The following PDE3B variants were observed in gnomAD, a reference collection of about 807,000 sequenced individuals.
PDE3B encodes cGMP-inhibited 3',5'-cyclic phosphodiesterase 3B.
In PDE3B, 66 loss-of-function variants were observed where a neutral mutation model predicts 116.8. The ratio of observed to expected loss-of-function variants is 0.56; its 90% confidence interval spans 0.46 to 0.69. The LOEUF (loss-of-function observed/expected upper bound fraction) is 0.69. PDE3B is among the 30% of genes least tolerant of loss of function. The pLI, the probability that PDE3B is intolerant of heterozygous loss-of-function variation, is 0.00. For missense variants in PDE3B, 1,384 were observed against 1,368.1 expected, an observed-to-expected ratio of 1.01 and a Z score of -0.18; for synonymous variants, 595 against 533.6, an observed-to-expected ratio of 1.12 and a Z score of -1.59.
At chr11:14,677,201 C>T (rs919466463) in intron 1 of PDE3B, among the ~76,000 whole-genome samples, 1 of 151,886 alleles carries the variant, frequency 6.6e-6, no homozygotes, top group Non-Finnish European at 1.5e-5. Flanking sequence ...TAAGATGGCA[C>T]TTATCTTGTT....
At chr11:14,746,662 G>A (rs569675363) in intron 1 of PDE3B, among the ~76,000 whole-genome samples, 1 of 152,222 alleles carries the variant, frequency 6.6e-6, no homozygotes, top group Non-Finnish European at 1.5e-5. Context: ...CATGTTTTGA[G>A]ATATTTGAAA....
At chr11:14,669,954 T>C (rs1183218074) in intron 1 of PDE3B, among the ~76,000 whole-genome samples, 1 of 152,222 alleles carries the variant, frequency 6.6e-6, no homozygotes, top group Non-Finnish European at 1.5e-5. Context: ...TTATATTGCA[T>C]ATCCTCTTAT....
At chr11:14,738,855 G>A (rs558372053) in intron 1 of PDE3B, among the ~76,000 whole-genome samples, 174 of 152,310 alleles carry the variant, frequency 1.1e-3, no homozygotes, top group African/African-American at 3.9e-3. Flanking sequence ...TTATTAAACA[G>A]GATATCCTTT....
chr11:14,898,735 T>A, the PDE3B span, among the ~76,000 whole-genome samples: 1 of 152,146 alleles, frequency 6.6e-6, no homozygotes, highest in Admixed American at 6.5e-5. Context: ...TTTTCTTTTT[T>A]TAAGGCTGTC....
intron 1 of PDE3B, among the ~76,000 whole-genome samples, chr11:14,649,125 G>A (rs1259726376): frequency 1.3e-5 from 2 of 152,106 alleles, no homozygotes; most frequent in Non-Finnish European, 2.9e-5. Flanking sequence ...ATAAGTAAAA[G>A]CATAAAGTTT....
At chr11:14,755,487 C>T (rs891097403) in intron 1 of PDE3B, among the ~76,000 whole-genome samples, 13 of 152,190 alleles carry the variant, frequency 8.5e-5, no homozygotes, top group South Asian at 2.1e-4. Context: ...AATAAAATAA[C>T]GTGCCTGTGG....
chr11:14,861,113 A>G, intron 13 of PDE3B, 92 bp from the exon 14 acceptor site: 1 of 923,350 alleles, frequency 1.1e-6, no homozygotes, highest in South Asian at 1.6e-5. Context: ...TTAGACAGGA[A>G]ACAGTTTTAA....
At chr11:14,682,878 G>C (rs114655437) in intron 1 of PDE3B, among the ~76,000 whole-genome samples, 447 of 151,070 alleles carry the variant, frequency 3.0e-3, no homozygotes, top group African/African-American at 0.01. Flanking sequence ...AGAAATGAGT[G>C]TATAGACCTG....
chr11:14,769,355 A>C (rs1271853657), intron 1 of PDE3B, among the ~76,000 whole-genome samples: 8 of 151,326 alleles, frequency 5.3e-5, no homozygotes, highest in Non-Finnish European at 1.0e-4. Flanking sequence ...AAGCAGAGAA[A>C]AAAGAAGCAT....
chr11:14,791,083 T>C (rs1247042151), intron 4 of PDE3B, among the ~76,000 whole-genome samples: 9 of 152,112 alleles, frequency 5.9e-5, no homozygotes, highest in Admixed American at 1.3e-4. Flanking sequence ...CATTCAGATA[T>C]AAAGAGCCAT....
chr11:14,703,589 ATAT>A (rs1472808583), intron 1 of PDE3B, among the ~76,000 whole-genome samples: 1 of 151,710 alleles, frequency 6.6e-6, no homozygotes, highest in Non-Finnish European at 1.5e-5. Flanking sequence ...AGATCTTAGC[ATAT>A]TATAATGTTC....
intron 4 of PDE3B, among the ~76,000 whole-genome samples, chr11:14,801,213 T>C (rs1281346767): frequency 2.0e-5 from 3 of 152,168 alleles, no homozygotes; most frequent in Non-Finnish European, 4.4e-5. Context: ...GGAGTTGTGA[T>C]TATTTGGAGA....
At chr11:14,817,765 T>G (rs533408503) in intron 5 of PDE3B, among the ~76,000 whole-genome samples, 1 of 152,274 alleles carries the variant, frequency 6.6e-6, no homozygotes, top group East Asian at 1.9e-4. Context: ...TTAAATAAAA[T>G]TTAATTTTAT....
At chr11:14,769,362 G>A (rs377506385) in intron 1 of PDE3B, among the ~76,000 whole-genome samples, 7 of 151,256 alleles carry the variant, frequency 4.6e-5, no homozygotes, top group African/African-American at 1.7e-4. Context: ...GAAAAAAGAA[G>A]CATTGTACAT....
At chr11:14,869,250 C>T (rs1336413503) in intron 15 of PDE3B, among the ~76,000 whole-genome samples, 1 of 151,958 alleles carries the variant, frequency 6.6e-6, no homozygotes, top group Non-Finnish European at 1.5e-5. Flanking sequence ...TTTCTGTTTT[C>T]CTAGCTCTTT....
chr11:14,825,388 A>G (rs1859656552), intron 7 of PDE3B, among the ~76,000 whole-genome samples: 1 of 152,328 alleles, frequency 6.6e-6, no homozygotes, highest in South Asian at 2.1e-4. Context: ...ACTGTCTTCA[A>G]GAGACCCATT....
intron 1 of PDE3B, among the ~76,000 whole-genome samples, chr11:14,655,281 T>G (rs185673316): frequency 2.2e-4 from 33 of 152,140 alleles, no homozygotes; most frequent in South Asian, 6.2e-4. Flanking sequence ...ACCAAGAAGA[T>G]AAAATTTAAA....
chr11:14,880,507 A>G, the PDE3B span: 2 of 1,613,418 alleles, frequency 1.2e-6, no homozygotes, highest in Non-Finnish European at 1.7e-6. Context: ...TAACTCAATC[A>G]TGTGCTGAAA....
chr11:14,655,344 T>A (rs2133753510), intron 1 of PDE3B, among the ~76,000 whole-genome samples: 1 of 152,294 alleles, frequency 6.6e-6, no homozygotes, highest in East Asian at 1.9e-4. Context: ...TACATACACA[T>A]ATATACACAC....
Sources: allele counts gnomAD v4.1 joint callset (sites outside exome capture counted in the v4.1 genomes callset), GRCh38; gene constraint gnomAD v4.1.1; transcripts MANE v1.5; gene names NCBI Gene and HGNC (gene_info 2026-07-23, HGNC 2026-07-21).